The following ATRNL1 variants were observed in gnomAD, a reference collection of about 807,000 sequenced individuals.
ATRNL1 encodes attractin-like protein 1.
In ATRNL1, 95 loss-of-function variants were observed where a neutral mutation model predicts 182.7. The observed-to-expected ratio is 0.52, with a 90% CI of 0.44 to 0.62. The LOEUF is 0.62. ATRNL1 is among the 20% of genes least tolerant of loss of function. The pLI is 0.00. For synonymous variants in ATRNL1, 576 were observed against 568.3 expected (o/e 1.01, Z -0.19); for missense variants, 1,471 against 1,679.5 (o/e 0.88, Z 2.17).
At chr10:115,728,055 C>A (rs1294805809) in intron 27 of ATRNL1, among the ~76,000 whole-genome samples, 162 of 140,992 alleles carry the variant, frequency 1.1e-3, no homozygotes, top group African/African-American at 4.2e-3. Context: ...GTGGGCAGAT[C>A]ACGAGGTCAG....
At chr10:115,558,319 C>T (rs1053217731) in intron 26 of ATRNL1, among the ~76,000 whole-genome samples, 67 of 152,208 alleles carry the variant, frequency 4.4e-4, no homozygotes, top group African/African-American at 1.6e-3. Context: ...GGTCAAGGGC[C>T]TGGATGCAAA....
intron 9 of ATRNL1, among the ~76,000 whole-genome samples, chr10:115,221,989 A>G (rs1477745171): frequency 1.3e-5 from 2 of 152,194 alleles, no homozygotes; most frequent in South Asian, 2.1e-4. Flanking sequence ...AAGATACGAA[A>G]AAACAACATC....
chr10:115,675,239 G>A (rs973200102), intron 26 of ATRNL1, among the ~76,000 whole-genome samples: 2 of 152,060 alleles, frequency 1.3e-5, no homozygotes, highest in African/African-American at 2.4e-5. Context: ...AGATTAGCCT[G>A]TAGTCCTAGC....
At chr10:115,792,815 A>C (rs1444364609) in intron 27 of ATRNL1, among the ~76,000 whole-genome samples, 1 of 152,020 alleles carries the variant, frequency 6.6e-6, no homozygotes, top group Non-Finnish European at 1.5e-5. Flanking sequence ...AATACGGTTA[A>C]GTTCAAATAG....
At chr10:115,632,771 T>G (rs1858596374) in intron 26 of ATRNL1, among the ~76,000 whole-genome samples, 1 of 152,122 alleles carries the variant, frequency 6.6e-6, no homozygotes. Flanking sequence ...AAACACACAA[T>G]TTTTTGGTAA....
At chr10:115,937,098 G>C (rs150276454) in intron 28 of ATRNL1, among the ~76,000 whole-genome samples, 2 of 152,316 alleles carry the variant, frequency 1.3e-5, no homozygotes, top group Non-Finnish European at 2.9e-5. Flanking sequence ...GATTTATTCA[G>C]CACATTCTAC....
At chr10:115,686,607 G>A (rs1946226064) in intron 26 of ATRNL1, among the ~76,000 whole-genome samples, 3 of 151,860 alleles carry the variant, frequency 2.0e-5, no homozygotes. Flanking sequence ...ACATTAATAG[G>A]TGCTCAGTTA....
intron 18 of ATRNL1, among the ~76,000 whole-genome samples, chr10:115,331,007 GT>G (rs1554934878): frequency 6.6e-6 from 1 of 151,076 alleles, no homozygotes; most frequent in African/African-American, 2.4e-5. Flanking sequence ...CCAATAGCTT[GT>G]TTTTGAAATC....
intron 27 of ATRNL1, among the ~76,000 whole-genome samples, chr10:115,736,352 T>A (rs1555065660): frequency 3.3e-5 from 5 of 152,124 alleles, no homozygotes; most frequent in Non-Finnish European, 7.4e-5. Flanking sequence ...TTTTTATTAC[T>A]TTCTAAAGTT....
chr10:115,111,838 G>A (rs1460642479), intron 1 of ATRNL1, among the ~76,000 whole-genome samples: 1 of 152,070 alleles, frequency 6.6e-6, no homozygotes, highest in Admixed American at 6.6e-5. Context: ...TCTTTTTCTT[G>A]TGTGGCCATA....
At chr10:115,334,858 G>A (rs1453316419) in intron 19 of ATRNL1, among the ~76,000 whole-genome samples, 7 of 152,096 alleles carry the variant, frequency 4.6e-5, no homozygotes, top group Non-Finnish European at 8.8e-5. Flanking sequence ...GAGAGTATGG[G>A]TTTGGAACCA....
chr10:115,639,605 GA>G (rs1318217993), intron 26 of ATRNL1, among the ~76,000 whole-genome samples: 16 of 152,146 alleles, frequency 1.1e-4, no homozygotes, highest in Non-Finnish European at 2.1e-4. Flanking sequence ...ATTCTAAGTG[GA>G]AAATGCTGAT....
At chr10:115,795,857 G>A (rs782736229) in intron 27 of ATRNL1, among the ~76,000 whole-genome samples, 3 of 152,066 alleles carry the variant, frequency 2.0e-5, no homozygotes, top group Admixed American at 6.5e-5. Flanking sequence ...ACAATTCAAC[G>A]TGAGATTTGG....
At chr10:115,132,172 C>T (rs1295752077) in intron 5 of ATRNL1, among the ~76,000 whole-genome samples, 3 of 147,764 alleles carry the variant, frequency 2.0e-5, no homozygotes, top group African/African-American at 8.0e-5. Flanking sequence ...TAAGTGAGAA[C>T]ACGCGGTGTT....
chr10:115,343,686 A>G (rs1855850572), intron 19 of ATRNL1, among the ~76,000 whole-genome samples: 3 of 152,026 alleles, frequency 2.0e-5, no homozygotes, highest in Non-Finnish European at 4.4e-5. Flanking sequence ...GTTGATGCTA[A>G]TAGATGTTCT....
chr10:115,200,102 A>G (rs1213352221), intron 8 of ATRNL1, among the ~76,000 whole-genome samples: 1 of 152,122 alleles, frequency 6.6e-6, no homozygotes, highest in Non-Finnish European at 1.5e-5. Context: ...TTAAAGTAAG[A>G]TACAAAGAAC....
At chr10:115,464,317 T>G (rs1847949970) in intron 22 of ATRNL1, among the ~76,000 whole-genome samples, 1 of 148,080 alleles carries the variant, frequency 6.8e-6, no homozygotes, top group African/African-American at 2.5e-5. Context: ...AGATAATTAT[T>G]TATACATTTC....
At chr10:115,373,842 T>C (rs1857520726) in intron 19 of ATRNL1, among the ~76,000 whole-genome samples, 1 of 151,924 alleles carries the variant, frequency 6.6e-6, no homozygotes. Flanking sequence ...TATCTTAGTG[T>C]TCTTTTCTGG....
chr10:115,114,609 C>T lies in ATRNL1; in HGVS notation c.294-5576C>T, dbSNP rs576162337. Among the ~76,000 whole-genome samples the T allele has an allele frequency of 2.9e-4, 44 of 152,130 alleles. 1 individual carries two copies. In the South Asian group the frequency reaches 8.7e-3, roughly 30 times the overall value. ...TGAATAGACATTTTTCAAAAGAAAACATACAAAAGGTCAAAACATATATGA... is the reference window on the plus strand; with the variant it reads ...TGAATAGACATTTTTCAAAAGAAAATATACAAAAGGTCAAAACATATATGA... On this transcript the variant is annotated intron_variant, in intron 1 of 28. Coordinates refer to ENST00000355044, the MANE Select transcript of ATRNL1 (RefSeq NM_207303.4).
Sources: allele counts gnomAD v4.1 joint callset (sites outside exome capture counted in the v4.1 genomes callset), GRCh38; gene constraint gnomAD v4.1.1; transcripts MANE v1.5; gene names NCBI Gene and HGNC (gene_info 2026-07-23, HGNC 2026-07-21).